The following GPBP1 variants were observed in gnomAD, a reference collection of about 807,000 sequenced individuals.
GPBP1 encodes GC-rich promoter binding protein 1.
A neutral mutation model predicts 56.5 loss-of-function variants in GPBP1; 13 were observed. The observed-to-expected ratio is 0.23, with a 90% CI of 0.15 to 0.37. The LOEUF is 0.37. GPBP1 is among the 10% of genes least tolerant of loss of function. The pLI, the probability that GPBP1 is intolerant of heterozygous loss-of-function variation, is 1.00. For missense variants in GPBP1, 477 were observed against 572.3 expected (o/e 0.83, Z 1.70); for synonymous variants, 204 against 188.9 (o/e 1.08, Z -0.66).
intron 2 of GPBP1, among the ~76,000 whole-genome samples, chr5:57,185,315 G>A (rs1429917939): frequency 8.0e-5 from 12 of 150,652 alleles, no homozygotes; most frequent in African/African-American, 2.7e-4. Context: ...AGGCTGGGGT[G>A]CAATGGGGCA....
chr5:57,232,115 A>G (rs913499422), intron 5 of GPBP1, among the ~76,000 whole-genome samples: 1 of 152,152 alleles, frequency 6.6e-6, no homozygotes, highest in Non-Finnish European at 1.5e-5. Context: ...GGGCTCAGGC[A>G]GTCCTCTCTT....
In GPBP1 at chr5:57,250,944, TA is replaced by T; in HGVS notation, c.973-5del. On this transcript the variant is annotated splice_polypyrimidine_tract_variant and intron_variant, in intron 9 of 11. Transcript: ENST00000506184. The stretch of plus-strand genomic sequence containing the variant: ...ATTCTTTTTTTTTTTTTTAACTCTC[TA>T]AAAATCAGGATGACGACTCATTTAA... The T allele has an allele frequency of 6.6e-7, 1 of 1,513,912 alleles. No homozygotes were observed. The highest frequency in any genetic ancestry group is 9.0e-7 in the Non-Finnish European group (1 of 1,116,578). 93.8% of individuals were successfully genotyped at this position (1,513,912 alleles called of 1,614,324 possible). A position where few individuals can be genotyped will look rare whatever the true frequency, so the allele number is the denominator to read the frequency against.
intron 2 of GPBP1, among the ~76,000 whole-genome samples, chr5:57,208,348 C>T (rs1195743180): frequency 1.3e-5 from 2 of 152,172 alleles, no homozygotes; most frequent in Admixed American, 1.3e-4. Context: ...ATCCTTCCGC[C>T]TCAGTGTCCC....
intron 2 of GPBP1, among the ~76,000 whole-genome samples, chr5:57,204,226 A>G (rs1321847156): frequency 6.6e-6 from 1 of 152,068 alleles, no homozygotes; most frequent in Non-Finnish European, 1.5e-5. Flanking sequence ...AATAGAATAA[A>G]CATGTTTTAC....
intron 10 of GPBP1, among the ~76,000 whole-genome samples, chr5:57,259,103 G>T (rs1358511150): frequency 6.6e-6 from 1 of 152,182 alleles, no homozygotes; most frequent in Admixed American, 6.5e-5. Flanking sequence ...GGAAGAAGTC[G>T]TGGCTAAAAG....
intron 2 of GPBP1, among the ~76,000 whole-genome samples, chr5:57,193,624 A>AC (rs1307672502): frequency 6.6e-6 from 1 of 151,332 alleles, no homozygotes; most frequent in African/African-American, 2.4e-5. Flanking sequence ...AAAAAAAAAA[A>AC]AAAAAAAAAA....
chr5:57,209,614 G>A (rs1416489039), intron 2 of GPBP1, among the ~76,000 whole-genome samples: 1 of 145,374 alleles, frequency 6.9e-6, no homozygotes, highest in Non-Finnish European at 1.6e-5. Context: ...AGGATGATGT[G>A]CTGTGGTTTT....
chr5:57,189,564 T>TTG (rs1754431349), intron 2 of GPBP1, among the ~76,000 whole-genome samples: 1 of 125,346 alleles, frequency 8.0e-6, no homozygotes, highest in Admixed American at 8.3e-5. Flanking sequence ...AGCCCACTTT[T>TTG]TTTCACTTGA....
At chr5:57,206,936 AC>A (rs1444839430) in intron 2 of GPBP1, among the ~76,000 whole-genome samples, 1 of 152,032 alleles carries the variant, frequency 6.6e-6, no homozygotes, top group Non-Finnish European at 1.5e-5. Flanking sequence ...CCCCATCTCT[AC>A]GAAAAATATT....
intron 2 of GPBP1, among the ~76,000 whole-genome samples, chr5:57,191,769 C>G (rs940175374): frequency 2.0e-5 from 3 of 152,050 alleles, no homozygotes; most frequent in African/African-American, 7.2e-5. Context: ...ACTGTGTTGG[C>G]CAGGATGGTC....
intron 2 of GPBP1, among the ~76,000 whole-genome samples, chr5:57,186,538 A>T (rs997214876): frequency 6.6e-6 from 1 of 151,534 alleles, no homozygotes; most frequent in Non-Finnish European, 1.5e-5. Context: ...TTCATTTTGA[A>T]TTTTTTGCAT....
intron 5 of GPBP1, among the ~76,000 whole-genome samples, 173 bp from the exon 6 acceptor site, chr5:57,235,793 G>C (rs1191848970): frequency 6.6e-6 from 1 of 152,180 alleles, no homozygotes; most frequent in Non-Finnish European, 1.5e-5. Context: ...GGCAGAGCGT[G>C]ACACTGGCAC....
At chr5:57,239,138 G>C (rs913572026) in intron 6 of GPBP1, among the ~76,000 whole-genome samples, 7 of 152,198 alleles carry the variant, frequency 4.6e-5, no homozygotes, top group African/African-American at 1.7e-4. Context: ...TTTAATATCT[G>C]TCTTATATGA....
chr5:57,209,597 A>T (rs1755386952), intron 2 of GPBP1, among the ~76,000 whole-genome samples: 1 of 151,628 alleles, frequency 6.6e-6, no homozygotes, highest in South Asian at 2.1e-4. Context: ...TCAGTCTTTC[A>T]CCATTGAGGA....
chr5:57,174,059 A>T lies in GPBP1; in HGVS notation c.-1163A>T, dbSNP rs963453998. On this transcript the variant is annotated 5_prime_UTR_variant, in exon 1 of 12. Transcript: ENST00000506184. ...GATCTCGCGAGACTTGGCCCAGAAC[A>T]TTGCGGATCGGGTCGGCGCCATTTT... 1 of 152,818 alleles carries T rather than the reference A, an allele frequency of 6.5e-6. No homozygotes were observed. Among genetic ancestry groups the T allele is most frequent in the Non-Finnish European group, 1.5e-5 (1 of 68,292 alleles). 9.5% of individuals were successfully genotyped at this position (152,818 alleles called of 1,614,324 possible).
chr5:57,197,025 G>A (rs1754794418), intron 2 of GPBP1, among the ~76,000 whole-genome samples: 1 of 150,862 alleles, frequency 6.6e-6, no homozygotes, highest in Middle Eastern at 3.4e-3. Context: ...CAAGTGATTC[G>A]CCTGCCTCAG....
intron 2 of GPBP1, among the ~76,000 whole-genome samples, chr5:57,210,578 G>A (rs1010165919): frequency 1.2e-4 from 18 of 152,084 alleles, no homozygotes; most frequent in Non-Finnish European, 1.2e-4. Context: ...TATGTACCTG[G>A]TTGTTGTGTA....
intron 3 of GPBP1, among the ~76,000 whole-genome samples, chr5:57,216,879 T>C (rs35189310): frequency 3.4e-5 from 5 of 146,278 alleles, no homozygotes; most frequent in South Asian, 2.2e-4. Context: ...TTTTTTTTTT[T>C]CATATAAATA....
At chr5:57,200,285 G>A (rs1754954634) in intron 2 of GPBP1, among the ~76,000 whole-genome samples, 1 of 150,616 alleles carries the variant, frequency 6.6e-6, no homozygotes, top group Non-Finnish European at 1.5e-5. Flanking sequence ...GCTTGAGAAG[G>A]TAATTTCATT....
Sources: gnomAD v4.1 joint callset for allele counts (sites outside exome capture counted in the v4.1 genomes callset) on GRCh38, gnomAD v4.1.1 for gene constraint, MANE v1.5 for transcripts, NCBI Gene and HGNC (gene_info 2026-07-23, HGNC 2026-07-21) for gene names.